The following EYS variants were observed in gnomAD, a reference collection of about 807,000 sequenced individuals.
The protein encoded by EYS is EGF-like photoreceptor maintenance factor.
Under a neutral mutation model 282.1 loss-of-function variants are expected in EYS, and 250 were observed. The observed-to-expected ratio is 0.89, with a 90% confidence interval of 0.80 to 0.98. The LOEUF (loss-of-function observed/expected upper bound fraction) is 0.98. Among genes scored for constraint, EYS ranks in the 50% least tolerant of loss-of-function variants. The pLI is 0.00. For missense variants in EYS, 4,016 were observed against 3,709.0 expected (o/e 1.08, Z -2.15); for synonymous variants, 1,355 against 1,282.9 (o/e 1.06, Z -1.20).
chr6:63,967,063 C>A (rs1766343820), intron 35 of EYS, among the ~76,000 whole-genome samples: 1 of 152,142 alleles, frequency 6.6e-6, no homozygotes, highest in Non-Finnish European at 1.5e-5. Flanking sequence ...ACAGTTGCAA[C>A]AATATGCCAG....
At chr6:64,193,526 G>T (rs1356144920) in intron 31 of EYS, among the ~76,000 whole-genome samples, 1 of 151,752 alleles carries the variant, frequency 6.6e-6, no homozygotes, top group African/African-American at 2.4e-5. Context: ...TATACTTTAA[G>T]TTCTAGGGTA....
intron 35 of EYS, among the ~76,000 whole-genome samples, chr6:63,914,470 A>T (rs990211261): frequency 3.3e-5 from 5 of 152,308 alleles, no homozygotes; most frequent in Middle Eastern, 3.4e-3. Flanking sequence ...GGACTTTGGG[A>T]GGTCAAGGTG....
intron 2 of EYS, among the ~76,000 whole-genome samples, chr6:65,502,494 G>T (rs1331327848): frequency 6.6e-6 from 1 of 151,588 alleles, no homozygotes; most frequent in Non-Finnish European, 1.5e-5. Flanking sequence ...GATTTTTAAT[G>T]TTTCATATTA....
chr6:64,105,450 C>T (rs756385742), intron 31 of EYS, among the ~76,000 whole-genome samples: 5 of 152,044 alleles, frequency 3.3e-5, no homozygotes, highest in African/African-American at 4.8e-5. Flanking sequence ...ACTGAAACAT[C>T]GTCAAAGTCT....
intron 30 of EYS, among the ~76,000 whole-genome samples, chr6:64,234,789 CA>C (rs1282893625): frequency 6.6e-6 from 1 of 152,026 alleles, no homozygotes; most frequent in Non-Finnish European, 1.5e-5. Flanking sequence ...TAAATAAAAT[CA>C]GATAACATAT....
At chr6:63,766,159 T>C (rs1257316176) in intron 40 of EYS, among the ~76,000 whole-genome samples, 2 of 151,998 alleles carry the variant, frequency 1.3e-5, no homozygotes, top group Non-Finnish European at 2.9e-5. Context: ...TTGTGGGCCA[T>C]ATAGACACTG....
At chr6:65,455,526 C>G (rs563664791) in intron 5 of EYS, among the ~76,000 whole-genome samples, 1 of 151,526 alleles carries the variant, frequency 6.6e-6, no homozygotes. Flanking sequence ...CTAAAAAAAA[C>G]GAGAGAAGAC....
chr6:65,526,674 C>G (rs563844587), intron 2 of EYS, among the ~76,000 whole-genome samples: 1 of 152,200 alleles, frequency 6.6e-6, no homozygotes, highest in South Asian at 2.1e-4. Context: ...GGCGTGGTGT[C>G]GGGCGCCTGT....
At chr6:64,823,333 C>G (rs187046309) in intron 19 of EYS, among the ~76,000 whole-genome samples, 2 of 151,850 alleles carry the variant, frequency 1.3e-5, no homozygotes, top group African/African-American at 4.8e-5. Flanking sequence ...TAAGCACCTA[C>G]CAAGAACCAC....
intron 41 of EYS, among the ~76,000 whole-genome samples, chr6:63,732,438 AT>A (rs1234849390): frequency 6.6e-6 from 1 of 152,188 alleles, no homozygotes; most frequent in East Asian, 1.9e-4. Context: ...AAAGAGGTAC[AT>A]TTTTATTTAG....
chr6:65,099,971 T>C (rs62407189), intron 12 of EYS, among the ~76,000 whole-genome samples: 24,625 of 150,646 alleles, frequency 0.16, 2,249 homozygotes, highest in Middle Eastern at 0.21. Flanking sequence ...CATGTGATTA[T>C]CCAATTATCT....
At chr6:65,607,422 C>T (rs557290442) in intron 2 of EYS, among the ~76,000 whole-genome samples, 1 of 151,954 alleles carries the variant, frequency 6.6e-6, no homozygotes, top group South Asian at 2.1e-4. Flanking sequence ...CTGCAAATTT[C>T]ATTGTAACAG....
intron 31 of EYS, among the ~76,000 whole-genome samples, chr6:64,157,681 C>A (rs1024388632): frequency 6.6e-6 from 1 of 152,184 alleles, no homozygotes; most frequent in African/African-American, 2.4e-5. Context: ...AGGGTGGAAG[C>A]CCCAAGGCTT....
chr6:63,872,738 A>G (rs1562070878), intron 35 of EYS, among the ~76,000 whole-genome samples: 1 of 152,090 alleles, frequency 6.6e-6, no homozygotes, highest in Non-Finnish European at 1.5e-5. Context: ...TTGGCCTCCC[A>G]AAGTGCTGGG....
At chr6:65,181,044 AC>A (rs1158728332) in intron 12 of EYS, among the ~76,000 whole-genome samples, 1 of 152,180 alleles carries the variant, frequency 6.6e-6, no homozygotes, top group Non-Finnish European at 1.5e-5. Context: ...TACACCTCAT[AC>A]AAAAATTAAT....
chr6:64,217,554 G>T (rs1765971823), intron 31 of EYS, among the ~76,000 whole-genome samples: 1 of 151,980 alleles, frequency 6.6e-6, no homozygotes, highest in Non-Finnish European at 1.5e-5. Flanking sequence ...AAAAGGAACT[G>T]CAGAAAGAAA....
intron 29 of EYS, among the ~76,000 whole-genome samples, chr6:64,311,138 C>T (rs576661203): frequency 6.6e-6 from 1 of 151,944 alleles, no homozygotes; most frequent in East Asian, 1.9e-4. Flanking sequence ...AAGTACTGAG[C>T]CTTAATACTA....
At chr6:64,518,023 C>A (rs1467578074) in intron 26 of EYS, among the ~76,000 whole-genome samples, 1 of 151,770 alleles carries the variant, frequency 6.6e-6, no homozygotes, top group African/African-American at 2.4e-5. Context: ...TTAACAGAAG[C>A]AAAGATGCAA....
At chr6:65,492,807 A>G (rs1274580014) in intron 4 of EYS, among the ~76,000 whole-genome samples, 1 of 152,212 alleles carries the variant, frequency 6.6e-6, no homozygotes, top group Non-Finnish European at 1.5e-5. Flanking sequence ...AACTTCTATA[A>G]TAATCTTGGT....
Sources: allele counts gnomAD v4.1 joint callset (sites outside exome capture counted in the v4.1 genomes callset), GRCh38; gene constraint gnomAD v4.1.1; transcripts MANE v1.5; gene names NCBI Gene and HGNC (gene_info 2026-07-23, HGNC 2026-07-21).